RHBDF2: variants seen among roughly 807,000 people sequenced by gnomAD.
RHBDF2 encodes rhomboid 5 homolog 2.
In RHBDF2, 38 loss-of-function variants were observed where a neutral mutation model predicts 95.2. The ratio of observed to expected loss-of-function variants is 0.40; its 90% CI spans 0.31 to 0.52. The LOEUF (loss-of-function observed/expected upper bound fraction) is 0.52, where lower values mean the gene tolerates loss of function less well. RHBDF2 is among the 20% of genes least tolerant of loss of function. RHBDF2 has a pLI of 0.56. For missense variants in RHBDF2, 863 were observed against 1,137.7 expected, an observed-to-expected ratio of 0.76 and a Z score of 3.47; for synonymous variants, 442 against 462.0, an observed-to-expected ratio of 0.96 and a Z score of 0.55.
intron 7 of RHBDF2, 138 bp downstream of exon 7, chr17:76,477,519 C>T (rs574809831): frequency 3.0e-5 from 34 of 1,149,074 alleles, no homozygotes; most frequent in Non-Finnish European, 4.0e-5. Context: ...CCAGCAGCTC[C>T]ACATAGGACC....
chr17:76,473,974 T>C, intron 13 of RHBDF2, 59 bp downstream of exon 13: 2 of 1,604,046 alleles, frequency 1.2e-6, no homozygotes, highest in Non-Finnish European at 1.7e-6. Context: ...TCCCTGTGGG[T>C]GGCTCAGATG....
intron 2 of RHBDF2, among the ~76,000 whole-genome samples, chr17:76,483,766 T>C (rs1462103257): frequency 6.6e-6 from 1 of 152,212 alleles, no homozygotes; most frequent in Admixed American, 6.5e-5. Context: ...AAGACCAAGT[T>C]CTGGAAGCAG....
At chr17:76,473,619 T>C (rs755778618) in intron 15 of RHBDF2, 29 bp downstream of exon 15, 2 of 1,566,674 alleles carry the variant, frequency 1.3e-6, no homozygotes, top group South Asian at 2.3e-5. Flanking sequence ...GGCAGTGGGA[T>C]GGCTGAGGCC....
chr17:76,476,046 A>T (rs1401200832), intron 9 of RHBDF2: 1 of 151,452 alleles, frequency 6.6e-6, no homozygotes, highest in African/African-American at 2.4e-5. Flanking sequence ...AGCTGGGATT[A>T]CAGGCATGCA....
chr17:76,480,106 G>A (rs1430357853), intron 3 of RHBDF2, among the ~76,000 whole-genome samples: 3 of 73,438 alleles, frequency 4.1e-5, no homozygotes, highest in African/African-American at 1.6e-4. Context: ...TTTTGGAGAT[G>A]GAATCTCACT....
At chr17:76,485,386 G>T (rs1346375523) in intron 2 of RHBDF2, among the ~76,000 whole-genome samples, 14 of 148,732 alleles carry the variant, frequency 9.4e-5, no homozygotes, top group African/African-American at 3.5e-4. Context: ...ACTCCAGCCT[G>T]GGCAACAACA....
chr17:76,475,205 A>C, intron 9 of RHBDF2, 64 bp from the exon 10 acceptor site: 1 of 1,241,774 alleles, frequency 8.1e-7, no homozygotes, highest in African/African-American at 1.5e-5. Context: ...TCCCGGCCAC[A>C]GGGCCACCCT....
At chr17:76,497,566 C>T (rs943196066) in intron 1 of RHBDF2, among the ~76,000 whole-genome samples, 3 of 152,186 alleles carry the variant, frequency 2.0e-5, no homozygotes, top group Admixed American at 6.5e-5. Context: ...TGCCATGGAC[C>T]GGCAGCCACG....
In RHBDF2 at chr17:76,475,022, C is replaced by T. The variant is rs752036797; in HGVS notation, c.1227+8G>A. ...GGGACCCCCAGCATGGAGCCTGACC[C>T]GACTCACCAGCTGGGTGGTGACGTG... On this transcript the variant is annotated splice_region_variant and intron_variant, in intron 10 of 18. Transcript: ENST00000675367. 18 of 1,571,592 alleles carry T rather than the reference C, an allele frequency of 1.1e-5. No individual in the cohort carries two copies. The highest frequency in any genetic ancestry group is 2.7e-5 in the African/African-American group (2 of 74,308).
chr17:76,480,169 G>A (rs1208260674), intron 3 of RHBDF2, among the ~76,000 whole-genome samples: 5 of 129,876 alleles, frequency 3.8e-5, no homozygotes, highest in Middle Eastern at 5.2e-3. Flanking sequence ...TGACACCTCC[G>A]CCTCCCAGGT....
chr17:76,499,500 C>T (rs2074522768), intron 1 of RHBDF2, among the ~76,000 whole-genome samples: 1 of 152,186 alleles, frequency 6.6e-6, no homozygotes, highest in Non-Finnish European at 1.5e-5. Context: ...CACCTCTGCT[C>T]AGCTAACACC....
In RHBDF2 at chr17:76,479,676, C is replaced by T. The variant is rs145759171; in HGVS notation, c.272+57G>A. 2.0e-3 allele frequency: 2,762 copies of T among 1,396,302 alleles called. 58 individuals carry two copies. In the African/African-American group the frequency reaches 0.035, roughly 18 times the overall value. 86.5% of individuals were successfully genotyped at this position (1,396,302 alleles called of 1,614,324 possible). A position where few individuals can be genotyped will look rare whatever the true frequency, so the allele number is the denominator to read the frequency against. On this transcript the variant is annotated intron_variant, in intron 4 of 18. Coordinates refer to ENST00000675367, the MANE Select transcript of RHBDF2 (RefSeq NM_001005498.4). ...ACCAGGCCCAATCATGTCCAGGCCC[C>T]GAGAATCCACAGGTTGCTGGGTGGG...
rs929343731 is a variant in RHBDF2, at chr17:76,473,185, C to T, written c.1809+67G>A. 13 of 1,590,790 alleles carry T rather than the reference C, an allele frequency of 8.2e-6. No individual in the cohort carries two copies. The African/African-American group carries it at 1.5e-4, about 18-fold the overall frequency. ...CCGACATGGGAGGGAGTGCGTGAGC[C>T]CCGGCCCCAGCAGGCTGCCATGCCC... On this transcript the variant is annotated intron_variant, in intron 16 of 18. Coordinates refer to ENST00000675367, the MANE Select transcript of RHBDF2 (RefSeq NM_001005498.4).
intron 1 of RHBDF2, among the ~76,000 whole-genome samples, chr17:76,492,594 C>T (rs1323441639): frequency 6.6e-6 from 1 of 152,206 alleles, no homozygotes; most frequent in East Asian, 1.9e-4. Context: ...CGGGCCCAGC[C>T]CACTGCCCCT....
intron 15 of RHBDF2, 60 bp downstream of exon 15, chr17:76,473,588 C>T (rs1354939263): frequency 2.1e-6 from 3 of 1,418,458 alleles, no homozygotes; most frequent in African/African-American, 2.8e-5. Flanking sequence ...AGAGGGCCCA[C>T]AGGAAGCCGC....
rs144474768 is a variant in RHBDF2, at chr17:76,473,343, G to A, written c.1734-16C>T. 3 of 1,603,934 alleles carry A rather than the reference G, an allele frequency of 1.9e-6. No homozygotes were observed. Among genetic ancestry groups the A allele is most frequent in the Non-Finnish European group, 1.7e-6 (2 of 1,174,192 alleles). ...GATCTCACAGCTAAGGGGGTGGTGA[G>A]GCAAGAGGGGACATCAGGGCGCCGA... On this transcript the variant is annotated splice_polypyrimidine_tract_variant and intron_variant, in intron 15 of 18. Coordinates refer to ENST00000675367, the MANE Select transcript of RHBDF2 (RefSeq NM_001005498.4).
In RHBDF2 at chr17:76,475,021, C is replaced by T. The variant is rs766783393; in HGVS notation, c.1227+9G>A. On this transcript the variant is annotated intron_variant, in intron 10 of 18. Transcript: ENST00000675367. ...TGGGACCCCCAGCATGGAGCCTGAC[C>T]CGACTCACCAGCTGGGTGGTGACGT... is the stretch of plus-strand genomic sequence containing the variant. 5 of 1,570,116 alleles carry T rather than the reference C, an allele frequency of 3.2e-6. No individual in the cohort carries two copies. Among genetic ancestry groups the T allele is most frequent in the Non-Finnish European group, 4.3e-6 (5 of 1,155,894 alleles).
rs149842959 is a variant in RHBDF2 at position 76,481,620 on chromosome 17, G to A, written c.-21-75C>T. ...TGTCAGGACCCTGACGCCAGGGCAC[G>A]CAGCCCAGACCAAGAACCAACTTGC... On this transcript the variant is annotated intron_variant, in intron 2 of 18. Transcript: ENST00000675367. 1.6e-3 allele frequency: 2,145 copies of A among 1,369,724 alleles called. 11 individuals are homozygous for A. The highest frequency in any genetic ancestry group is 8.0e-3 in the South Asian group (611 of 76,490). 84.8% of individuals were successfully genotyped at this position (1,369,724 alleles called of 1,614,324 possible). A position where few individuals can be genotyped will look rare whatever the true frequency, so the allele number is the denominator to read the frequency against.
intron 1 of RHBDF2, among the ~76,000 whole-genome samples, chr17:76,488,559 C>CA (rs2074207937): frequency 6.6e-6 from 1 of 152,094 alleles, no homozygotes; most frequent in Non-Finnish European, 1.5e-5. Flanking sequence ...CCTGTAATCC[C>CA]AGCACTTTGG....
Sources: gnomAD v4.1 joint callset for allele counts (sites outside exome capture counted in the v4.1 genomes callset) on GRCh38, gnomAD v4.1.1 for gene constraint, MANE v1.5 for transcripts, NCBI Gene and HGNC (gene_info 2026-07-23, HGNC 2026-07-21) for gene names.